Variants in PRKN observed in about 807,000 individuals in gnomAD.
PRKN encodes the protein E3 ubiquitin-protein ligase parkin.
PRKN carries 56 observed loss-of-function variants against 59.5 expected under a neutral mutation model. The observed-to-expected ratio is 0.94, with a 90% CI of 0.76 to 1.18. The LOEUF is 1.18. Among genes scored for constraint, PRKN ranks in the 50% most tolerant of loss-of-function variants. PRKN has a pLI of 0.00. For synonymous variants in PRKN, 250 were observed against 222.1 expected (o/e 1.13, Z -1.12); for missense variants, 657 against 596.4 (o/e 1.10, Z -1.06).
At chr6:162,227,095 A>C (rs562178889) in intron 3 of PRKN, among the ~76,000 whole-genome samples, 26 of 152,184 alleles carry the variant, frequency 1.7e-4, no homozygotes, top group Admixed American at 3.3e-4. Flanking sequence ...ATATATCTAC[A>C]TTTAACTTTA....
chr6:162,280,957 A>T (rs1248436475), intron 2 of PRKN, among the ~76,000 whole-genome samples: 1 of 152,158 alleles, frequency 6.6e-6, no homozygotes, highest in African/African-American at 2.4e-5. Context: ...CATAAAAAAG[A>T]ATGAGATCAT....
chr6:162,138,407 G>A (rs1039954415), intron 4 of PRKN, among the ~76,000 whole-genome samples: 3 of 152,208 alleles, frequency 2.0e-5, no homozygotes, highest in South Asian at 2.1e-4. Context: ...AATTGATGTC[G>A]ACTAGCTCAA....
chr6:162,422,540 C>G (rs541083947), intron 2 of PRKN, among the ~76,000 whole-genome samples: 2 of 152,128 alleles, frequency 1.3e-5, no homozygotes, highest in Non-Finnish European at 2.9e-5. Context: ...ATTAGTGGTA[C>G]TTTTAAAAAA....
At chr6:161,543,510 C>T (rs1022873706) in intron 9 of PRKN, among the ~76,000 whole-genome samples, 7 of 152,178 alleles carry the variant, frequency 4.6e-5, no homozygotes, top group African/African-American at 1.4e-4. Context: ...ACAAACCTGC[C>T]TCCGAGCGAC....
intron 7 of PRKN, among the ~76,000 whole-genome samples, chr6:161,675,260 C>T (rs922558740): frequency 6.6e-6 from 1 of 152,144 alleles, no homozygotes; most frequent in Admixed American, 6.5e-5. Flanking sequence ...AGGAAATGTA[C>T]AACAGATTCC....
chr6:162,076,050 C>A (rs1778813425), intron 4 of PRKN, among the ~76,000 whole-genome samples: 1 of 149,814 alleles, frequency 6.7e-6, no homozygotes, highest in South Asian at 2.1e-4. Flanking sequence ...CTTACTGCAA[C>A]CTTCATCTCC....
intron 1 of PRKN, among the ~76,000 whole-genome samples, chr6:162,556,337 C>T (rs921202780): frequency 1.4e-5 from 1 of 72,250 alleles, no homozygotes; most frequent in Admixed American, 1.4e-4. Flanking sequence ...AGTAACTACT[C>T]AGCTGGTGTG....
At chr6:162,032,574 G>A (rs144023574) in intron 5 of PRKN, among the ~76,000 whole-genome samples, 4 of 152,130 alleles carry the variant, frequency 2.6e-5, no homozygotes, top group East Asian at 1.9e-4. Context: ...GTTATCTTAC[G>A]TATATAACCT....
At chr6:161,541,658 T>C (rs772414441) in intron 9 of PRKN, among the ~76,000 whole-genome samples, 18 of 152,024 alleles carry the variant, frequency 1.2e-4, no homozygotes, top group Non-Finnish European at 2.5e-4. Context: ...CCGTCTCTAC[T>C]AAATTTACAA....
chr6:162,185,577 G>A (rs776544179), intron 4 of PRKN, among the ~76,000 whole-genome samples: 2 of 152,102 alleles, frequency 1.3e-5, no homozygotes, highest in Admixed American at 6.6e-5. Flanking sequence ...TTTCCCTCCA[G>A]GAAAAACTAG....
Position 161,389,700 on chromosome 6 carries a change from A to G in PRKN, c.1084-2823T>C, listed in dbSNP as rs113801643. Among the ~76,000 whole-genome samples the G allele has an allele frequency of 5.1e-3, 775 of 152,330 alleles. 7 individuals carry two copies. The highest frequency in any genetic ancestry group is 0.017 in the African/African-American group (720 of 41,578). On this transcript the variant is annotated intron_variant, in intron 9 of 11. Coordinates refer to ENST00000366898, the MANE Select transcript of PRKN (RefSeq NM_004562.3). ...TGGAAAAATGTGGACGGGAGGCCCA[A>G]TCATGGAGAACTGGCAATGGGGTCT...
At chr6:161,856,776 T>C (rs1793673237) in intron 6 of PRKN, among the ~76,000 whole-genome samples, 1 of 152,150 alleles carries the variant, frequency 6.6e-6, no homozygotes, top group South Asian at 2.1e-4. Context: ...TCTTTATTCT[T>C]GCTTCCCGCT....
At chr6:162,101,066 A>G (rs114133890) in intron 4 of PRKN, among the ~76,000 whole-genome samples, 110 of 152,150 alleles carry the variant, frequency 7.2e-4, no homozygotes, top group African/African-American at 2.6e-3. Flanking sequence ...CGTGGCTGAT[A>G]CAGAAGTTCT....
rs1054733289 is a variant in PRKN, at chr6:161,547,616, C to T, written c.1083+1238G>A. Among the ~76,000 whole-genome samples, 4 of 152,188 alleles carry T rather than the reference C, an allele frequency of 2.6e-5. No homozygotes were observed. Among genetic ancestry groups the T allele is most frequent in the Admixed American group, 2.6e-4 (4 of 15,284 alleles). On this transcript the variant is annotated intron_variant, in intron 9 of 11. Coordinates refer to ENST00000366898, the MANE Select transcript of PRKN (RefSeq NM_004562.3). The surrounding 1 kb of genome is among the most constrained non-coding windows in gnomAD (Gnocchi z 4.0). The stretch of plus-strand genomic sequence containing the variant: ...ACATAATTTAGCCAGTAGTTAAAAA[C>T]AATTCATTAAAAGCTCATTTTAAAA...
chr6:161,798,367 C>T (rs772893220), intron 6 of PRKN, among the ~76,000 whole-genome samples: 17 of 152,156 alleles, frequency 1.1e-4, no homozygotes, highest in Non-Finnish European at 2.9e-5. Flanking sequence ...TGGTGTGAGC[C>T]GGCTGCAGCA....
intron 2 of PRKN, among the ~76,000 whole-genome samples, chr6:162,290,477 T>G (rs1208065808): frequency 6.6e-6 from 1 of 152,196 alleles, no homozygotes; most frequent in Non-Finnish European, 1.5e-5. Flanking sequence ...ATTTATTCCT[T>G]GTTAGATTTT....
intron 1 of PRKN, among the ~76,000 whole-genome samples, chr6:162,631,427 A>C (rs1783103610): frequency 6.6e-6 from 1 of 152,130 alleles, no homozygotes; most frequent in Admixed American, 6.6e-5. Context: ...AGGGTGCTTT[A>C]AGAATTGATT....
chr6:161,875,779 G>A (rs1794711085), intron 6 of PRKN, among the ~76,000 whole-genome samples: 1 of 152,022 alleles, frequency 6.6e-6, no homozygotes, highest in Admixed American at 6.6e-5. Context: ...ATGTGCCCGT[G>A]GTGACATAAT....
chr6:161,757,257 C>T (rs1004564627), intron 7 of PRKN, among the ~76,000 whole-genome samples: 10 of 152,172 alleles, frequency 6.6e-5, no homozygotes, highest in African/African-American at 2.4e-4. Flanking sequence ...TTAAAAACTT[C>T]TGCTCTTTGA....
Sources: allele counts gnomAD v4.1 joint callset (sites outside exome capture counted in the v4.1 genomes callset), GRCh38; gene constraint gnomAD v4.1.1; non-coding constraint Gnocchi (gnomAD v3.1); transcripts MANE v1.5; gene names NCBI Gene and HGNC (gene_info 2026-07-23, HGNC 2026-07-21).